Variants in CAPN14 observed in about 807,000 individuals in gnomAD.
CAPN14 encodes calpain-14.
Under a neutral mutation model 101.3 loss-of-function variants are expected in CAPN14, and 94 were observed. The observed-to-expected ratio is 0.93, with a 90% CI of 0.79 to 1.10. CAPN14 has a LOEUF of 1.10. Among genes scored for constraint, CAPN14 ranks in the 50% least tolerant of loss-of-function variants. CAPN14 has a pLI of 0.00. For synonymous variants in CAPN14, 338 were observed against 317.9 expected, an observed-to-expected ratio of 1.06 and a Z score of -0.67; for missense variants, 837 against 828.4, an observed-to-expected ratio of 1.01 and a Z score of -0.13.
At chr2:31,181,380 TTC>T (rs1680588092) in intron 16 of CAPN14, among the ~76,000 whole-genome samples, 1 of 141,340 alleles carries the variant, frequency 7.1e-6, no homozygotes, top group African/African-American at 2.7e-5. Flanking sequence ...TCTTTCTCTT[TTC>T]TTTTTTTCTT....
At chr2:31,221,667 G>A (rs963860763), upstream of CAPN14, among the ~76,000 whole-genome samples, 1 of 152,078 alleles carries the variant, frequency 6.6e-6, no homozygotes, top group Non-Finnish European at 1.5e-5. Context: ...AACACTGATC[G>A]CCAGGGAGAA....
chr2:31,209,336 A>G (rs182377297), intron 1 of CAPN14, among the ~76,000 whole-genome samples: 268 of 152,238 alleles, frequency 1.8e-3, no homozygotes, highest in African/African-American at 6.0e-3. Context: ...CACTTCTTCC[A>G]TACTGGCTAT....
chr2:31,217,749 A>C (rs938118051), upstream of CAPN14, among the ~76,000 whole-genome samples: 2 of 152,186 alleles, frequency 1.3e-5, no homozygotes, highest in Non-Finnish European at 2.9e-5. Flanking sequence ...AGAGTTAGTC[A>C]TCTTCTCACT....
chr2:31,179,530 T>C lies in CAPN14; in HGVS notation c.1711-951A>G, dbSNP rs376307808. Among the ~76,000 whole-genome samples the C allele has an allele frequency of 2.0e-5, 3 of 152,366 alleles. No individual in the cohort carries two copies. In the East Asian group the frequency reaches 5.8e-4, roughly 29 times the overall value. On this transcript the variant is annotated intron_variant, in intron 17 of 21. Coordinates refer to ENST00000403897, the MANE Select transcript of CAPN14 (RefSeq NM_001145122.2). ...ATTGTGAATAGTGCCGCAGTAAACATACATGTGCATGTGTCTTTACAGAAG... is the reference window on the plus strand; with the variant it reads ...ATTGTGAATAGTGCCGCAGTAAACACACATGTGCATGTGTCTTTACAGAAG...
At chr2:31,199,662 A>C (rs1366045938) in intron 6 of CAPN14, 130 bp from the exon 7 acceptor site, 1 of 685,098 alleles carries the variant, frequency 1.5e-6, no homozygotes, top group African/African-American at 1.8e-5. Flanking sequence ...GGTATGGTAC[A>C]TTGCAGTTTT....
At position 31,201,231 on chromosome 2, in the gene CAPN14, G is replaced by A. The variant is rs116361243; in HGVS notation, c.552-606C>T. 8.8e-3 allele frequency among the ~76,000 whole-genome samples: 1,329 copies of A among 151,416 alleles called. 17 individuals are homozygous for A. Among genetic ancestry groups the A allele is most frequent in the African/African-American group, 0.029 (1,188 of 41,278 alleles). On this transcript the variant is annotated intron_variant, in intron 5 of 21. Transcript: ENST00000403897. ...TGTGCATGTGTGTGTCTGTGTTTGC[G>A]TGTGTGTGTGCATGTGTATGTGCAT...
Position 31,189,336 on chromosome 2 carries a change from A to AT in CAPN14, c.1429dup (p.Ile477AsnfsTer23). 6.4e-7 allele frequency: 1 copy of AT among 1,551,720 alleles called. No individual in the cohort carries two copies. Among genetic ancestry groups the AT allele is most frequent in the East Asian group, 2.4e-5 (1 of 40,910 alleles). On this transcript the variant is annotated frameshift_variant, in exon 13 of 22. Coordinates refer to ENST00000403897, the MANE Select transcript of CAPN14 (RefSeq NM_001145122.2). LOFTEE classifies it high-confidence loss of function. ...CTCTGACTTCTGGTGGGCCTCCAATATGCAGGGCACGATGAGGTACGTCCC... is the reference window on the plus strand; with the variant it reads ...CTCTGACTTCTGGTGGGCCTCCAATATTGCAGGGCACGATGAGGTACGTCCC...
rs1681283458 is a variant in CAPN14 at position 31,193,124 on chromosome 2, T to C, written c.1114+7A>G. 1 of 1,548,264 alleles carries C rather than the reference T, an allele frequency of 6.5e-7. No homozygotes were observed. The highest frequency in any genetic ancestry group is 8.7e-7 in the Non-Finnish European group (1 of 1,146,710). On this transcript the variant is annotated splice_region_variant and intron_variant, in intron 10 of 21. Transcript: ENST00000403897. ...CCTGAGAGCCCTGCTCCTGTGCACA[T>C]GCTCACCCTGCAGCAACTGCCTCTG...
chr2:31,219,921 C>T (rs910805474), upstream of CAPN14, among the ~76,000 whole-genome samples: 13 of 152,278 alleles, frequency 8.5e-5, no homozygotes, highest in Non-Finnish European at 1.6e-4. Context: ...TGTCCTACTT[C>T]CCACTTCTTC....
intron 15 of CAPN14, among the ~76,000 whole-genome samples, chr2:31,186,738 G>T (rs1680918584): frequency 6.6e-6 from 1 of 152,156 alleles, no homozygotes; most frequent in Non-Finnish European, 1.5e-5. Context: ...TCAATAAAAT[G>T]TCATCAGTCA....
At chr2:31,199,165 T>A (rs1681624478) in intron 7 of CAPN14, among the ~76,000 whole-genome samples, 1 of 152,008 alleles carries the variant, frequency 6.6e-6, no homozygotes, top group Non-Finnish European at 1.5e-5. Flanking sequence ...AAGAACCAGA[T>A]GAAATGGTTG....
At chr2:31,230,000 T>C (rs1404169822) in intron 1 of CAPN14, among the ~76,000 whole-genome samples, 1 of 152,252 alleles carries the variant, frequency 6.6e-6, no homozygotes, top group Non-Finnish European at 1.5e-5. Context: ...ACCACTTCCC[T>C]CATTTTTCTC....
intron 2 of CAPN14, among the ~76,000 whole-genome samples, chr2:31,225,552 C>T (rs1391437367): frequency 6.6e-6 from 1 of 151,972 alleles, no homozygotes; most frequent in Non-Finnish European, 1.5e-5. Context: ...AAATGTTCAT[C>T]TTTCAATGAT....
rs896366471 is a variant in CAPN14, at chr2:31,210,848, G to A, written c.-52-5349C>T. On this transcript the variant is annotated intron_variant, in intron 1 of 21. Transcript: ENST00000403897. ...TGAATATACAAGAACGTATTTAGTT[G>A]TTGCAAAGCATGCCAAATCATAGGT... 1.2e-4 allele frequency among the ~76,000 whole-genome samples: 19 copies of A among 152,244 alleles called. No homozygotes were observed. In the South Asian group the frequency reaches 3.9e-3, roughly 32 times the overall value.
intron 1 of CAPN14, among the ~76,000 whole-genome samples, chr2:31,212,157 A>G (rs554613438): frequency 6.6e-6 from 1 of 152,220 alleles, no homozygotes; most frequent in South Asian, 2.1e-4. Flanking sequence ...TAAAAATACA[A>G]TAATTAGCTG....
chr2:31,189,182 G>C, intron 13 of CAPN14, 91 bp downstream of exon 13: 1 of 1,133,364 alleles, frequency 8.8e-7, no homozygotes, highest in Non-Finnish European at 1.3e-6. Flanking sequence ...CAGCAGCAGA[G>C]ATCCTGGTTT....
chr2:31,191,199 G>A (rs1395178431), intron 12 of CAPN14, among the ~76,000 whole-genome samples, 200 bp downstream of exon 12: 1 of 151,846 alleles, frequency 6.6e-6, no homozygotes, highest in African/African-American at 2.4e-5. Flanking sequence ...GATCTCTTGG[G>A]GGTCTTTGGA....
chr2:31,180,321 T>G (rs1313106930), intron 17 of CAPN14, among the ~76,000 whole-genome samples: 1 of 152,210 alleles, frequency 6.6e-6, no homozygotes, highest in Non-Finnish European at 1.5e-5. Context: ...CTGCAGACTG[T>G]TTTTGTCTTT....
Position 31,174,473 on chromosome 2 carries a change from G to A in CAPN14, c.*208C>T. 2 of 610,344 alleles carry A rather than the reference G, an allele frequency of 3.3e-6. No homozygotes were observed. Among genetic ancestry groups the A allele is most frequent in the Non-Finnish European group, 5.8e-6 (2 of 345,010 alleles). The allele number at this position is 610,344 out of a possible 1,614,324, so 37.8% of individuals were successfully genotyped here. A position where few individuals can be genotyped will look rare whatever the true frequency, so the allele number is the denominator to read the frequency against. On this transcript the variant is annotated 3_prime_UTR_variant, in exon 22 of 22. Transcript: ENST00000403897. Reference sequence around the variant, plus strand: ...GATGGCTAGCTTTTACAAATCTGATGTAATCTTTACTTCCTCCCTTCCCTT... The same window carrying A: ...GATGGCTAGCTTTTACAAATCTGATATAATCTTTACTTCCTCCCTTCCCTT...
Sources: allele counts gnomAD v4.1 joint callset (sites outside exome capture counted in the v4.1 genomes callset), GRCh38; gene constraint gnomAD v4.1.1; transcripts MANE v1.5; gene names NCBI Gene and HGNC (gene_info 2026-07-23, HGNC 2026-07-21).